SPOCK1: variants seen among roughly 807,000 people sequenced by gnomAD.
SPOCK1 encodes testican-1.
SPOCK1 carries 23 observed loss-of-function variants against 55.3 expected under a neutral mutation model. That is an observed-to-expected ratio of 0.42 (90% CI 0.30 to 0.59). The LOEUF is 0.59. SPOCK1 is among the 20% of genes least tolerant of loss of function. The pLI is 0.22. For missense variants in SPOCK1, 499 were observed against 552.5 expected (o/e 0.90, Z 0.97); for synonymous variants, 226 against 221.0 (o/e 1.02, Z -0.20).
At chr5:137,180,530 A>G (rs1166109292) in intron 3 of SPOCK1, among the ~76,000 whole-genome samples, 1 of 152,156 alleles carries the variant, frequency 6.6e-6, no homozygotes, top group African/African-American at 2.4e-5. Flanking sequence ...AACTGAAACC[A>G]GTGAGTTCTA....
At chr5:137,367,223 A>T (rs1388077752) in intron 2 of SPOCK1, among the ~76,000 whole-genome samples, 2 of 152,190 alleles carry the variant, frequency 1.3e-5, no homozygotes, top group Non-Finnish European at 2.9e-5. Context: ...AAACACTGAC[A>T]ATCACCAGGT....
chr5:137,006,497 T>C (rs891027095), intron 6 of SPOCK1, among the ~76,000 whole-genome samples: 7 of 152,036 alleles, frequency 4.6e-5, no homozygotes, highest in Non-Finnish European at 8.8e-5. Context: ...CATGATTTGG[T>C]TCTCTATTAT....
chr5:137,492,236 T>A (rs1754196855), intron 2 of SPOCK1, among the ~76,000 whole-genome samples: 1 of 152,204 alleles, frequency 6.6e-6, no homozygotes, highest in Non-Finnish European at 1.5e-5. Context: ...CTCTACCAAC[T>A]TAGCCAAAGT....
chr5:136,977,546 C>T lies in SPOCK1; in HGVS notation c.*1108G>A, dbSNP rs945503420. Reference sequence around the variant, plus strand: ...TTCTTTTAAGGAACACCATGGTACTCTCAGAGAACAGGAGATATGTGTGCA... The same window carrying T: ...TTCTTTTAAGGAACACCATGGTACTTTCAGAGAACAGGAGATATGTGTGCA... On this transcript the variant is annotated 3_prime_UTR_variant, in exon 11 of 11. Coordinates refer to ENST00000394945, the MANE Select transcript of SPOCK1 (RefSeq NM_004598.4). 6 of 364,176 alleles carry T rather than the reference C, an allele frequency of 1.6e-5. No individual in the cohort carries two copies. Among genetic ancestry groups the T allele is most frequent in the African/African-American group, 1.3e-4 (6 of 47,992 alleles). 22.6% of individuals were successfully genotyped at this position (364,176 alleles called of 1,614,324 possible).
chr5:137,400,375 G>A (rs1374724869), intron 2 of SPOCK1, among the ~76,000 whole-genome samples: 1 of 152,190 alleles, frequency 6.6e-6, no homozygotes, highest in Admixed American at 6.5e-5. Context: ...TCGCAGAGAA[G>A]GGGCTCAAGC....
At chr5:137,103,964 T>A (rs1753316233) in intron 5 of SPOCK1, among the ~76,000 whole-genome samples, 1 of 152,204 alleles carries the variant, frequency 6.6e-6, no homozygotes, top group Non-Finnish European at 1.5e-5. Context: ...TCCCCAACCT[T>A]CAAACTGTTG....
intron 5 of SPOCK1, among the ~76,000 whole-genome samples, chr5:137,094,869 C>A (rs188367358): frequency 6.8e-4 from 104 of 152,328 alleles, no homozygotes; most frequent in African/African-American, 2.4e-3. Context: ...TGGCTTTGGC[C>A]TATCTCATCT....
At chr5:137,011,032 C>T (rs765380889) in intron 6 of SPOCK1, among the ~76,000 whole-genome samples, 1 of 152,170 alleles carries the variant, frequency 6.6e-6, no homozygotes, top group Non-Finnish European at 1.5e-5. Context: ...TCTCCACAAG[C>T]TTATTTGAAA....
chr5:137,017,998 C>T (rs1156712528), intron 6 of SPOCK1, among the ~76,000 whole-genome samples: 1 of 152,212 alleles, frequency 6.6e-6, no homozygotes, highest in Non-Finnish European at 1.5e-5. Context: ...AAACATCTAG[C>T]ATTAATTGCC....
At chr5:137,486,778 C>G (rs1330543986) in intron 2 of SPOCK1, among the ~76,000 whole-genome samples, 1 of 152,216 alleles carries the variant, frequency 6.6e-6, no homozygotes, top group Non-Finnish European at 1.5e-5. Flanking sequence ...TCTCTAACAA[C>G]AGTAAACACA....
At chr5:136,983,209 T>TTATTTAGTGGA (rs910619313) in intron 9 of SPOCK1, among the ~76,000 whole-genome samples, 1 of 152,176 alleles carries the variant, frequency 6.6e-6, no homozygotes, top group Non-Finnish European at 1.5e-5. Context: ...AATTTGCCTT[T>TTATTTAGTGGA]TATTTAGTGG....
chr5:137,230,594 C>A (rs573063049), intron 3 of SPOCK1, among the ~76,000 whole-genome samples: 9 of 152,274 alleles, frequency 5.9e-5, no homozygotes, highest in African/African-American at 2.2e-4. Flanking sequence ...TATCTATCAA[C>A]TTTGGGGATA....
At chr5:137,295,557 G>C (rs1035026811) in intron 2 of SPOCK1, among the ~76,000 whole-genome samples, 4 of 152,116 alleles carry the variant, frequency 2.6e-5, no homozygotes, top group African/African-American at 9.7e-5. Flanking sequence ...TTTTACAATT[G>C]CAATGAAGGC....
At chr5:137,042,807 TAATA>T (rs1188306069) in intron 6 of SPOCK1, among the ~76,000 whole-genome samples, 4 of 152,108 alleles carry the variant, frequency 2.6e-5, no homozygotes, top group Non-Finnish European at 5.9e-5. Flanking sequence ...GTATTTAGCT[TAATA>T]TAGATACATA....
rs567915025 is a variant in SPOCK1 at position 136,980,589 on chromosome 5, G to C, written c.992-1120C>G. Reference sequence around the variant, plus strand: ...ACAAGATCTGATAGTTTTGTAAAGGGCAGTTCCTCTGCACACGCTCTCTTG... The same window carrying C: ...ACAAGATCTGATAGTTTTGTAAAGGCCAGTTCCTCTGCACACGCTCTCTTG... On this transcript the variant is annotated intron_variant, in intron 9 of 10. Coordinates refer to ENST00000394945, the MANE Select transcript of SPOCK1 (RefSeq NM_004598.4). Among the ~76,000 whole-genome samples, 57 of 152,264 alleles carry C rather than the reference G, an allele frequency of 3.7e-4. 2 individuals carry two copies. The highest frequency in any genetic ancestry group is 1.3e-3 in the African/African-American group (55 of 41,564).
chr5:137,450,306 T>G (rs1753228565), intron 2 of SPOCK1, among the ~76,000 whole-genome samples: 1 of 151,998 alleles, frequency 6.6e-6, no homozygotes, highest in Admixed American at 6.6e-5. Flanking sequence ...TGGGATAGAG[T>G]GGGTTCAGTT....
chr5:137,404,126 T>C (rs1196996386), intron 2 of SPOCK1, among the ~76,000 whole-genome samples: 1 of 152,142 alleles, frequency 6.6e-6, no homozygotes, highest in African/African-American at 2.4e-5. Context: ...ACTGCTCTGA[T>C]CCTGGAGTCA....
At chr5:137,244,991 C>T (rs1447246999) in intron 3 of SPOCK1, among the ~76,000 whole-genome samples, 2 of 152,178 alleles carry the variant, frequency 1.3e-5, no homozygotes, top group Non-Finnish European at 1.5e-5. Context: ...GAGAAAATTG[C>T]TCATAGAAAT....
intron 3 of SPOCK1, among the ~76,000 whole-genome samples, chr5:137,196,259 C>T (rs1313636015): frequency 6.6e-6 from 1 of 152,196 alleles, no homozygotes; most frequent in Non-Finnish European, 1.5e-5. Flanking sequence ...ACTCCAAACC[C>T]CAGCTCTCCC....
Sources: gnomAD v4.1 joint callset for allele counts (sites outside exome capture counted in the v4.1 genomes callset) on GRCh38, gnomAD v4.1.1 for gene constraint, MANE v1.5 for transcripts, NCBI Gene and HGNC (gene_info 2026-07-23, HGNC 2026-07-21) for gene names.